The following ARB2A variants were observed in gnomAD, a reference collection of about 807,000 sequenced individuals.
ARB2A encodes the protein cotranscriptional regulator ARB2A.
chr5:94,028,158 T>C, the ARB2A span, among the ~76,000 whole-genome samples: 1 of 152,232 alleles, frequency 6.6e-6, no homozygotes, highest in African/African-American at 2.4e-5. Context: ...TTGTCCCAGA[T>C]AGACATTATC....
chr5:93,639,187 G>A, the ARB2A span, among the ~76,000 whole-genome samples: 1 of 152,122 alleles, frequency 6.6e-6, no homozygotes, highest in South Asian at 2.1e-4. Context: ...AAAAGACCTA[G>A]CTGTGTCAGG....
chr5:94,009,661 C>A, the ARB2A span, among the ~76,000 whole-genome samples: 2 of 151,978 alleles, frequency 1.3e-5, no homozygotes, highest in African/African-American at 2.4e-5. Flanking sequence ...ACCACTAAAG[C>A]CATTTGGGCC....
chr5:94,090,862 C>T, the ARB2A span, among the ~76,000 whole-genome samples: 1 of 152,118 alleles, frequency 6.6e-6, no homozygotes, highest in African/African-American at 2.4e-5. Context: ...CCTTGCATCC[C>T]ATATCATCAC....
chr5:93,726,002 G>T, the ARB2A span, among the ~76,000 whole-genome samples: 1 of 152,014 alleles, frequency 6.6e-6, no homozygotes, highest in Non-Finnish European at 1.5e-5. Context: ...TGTGGTAATT[G>T]GTTGATACAG....
chr5:93,683,561 G>T, the ARB2A span: 2 of 1,447,820 alleles, frequency 1.4e-6, no homozygotes, highest in Non-Finnish European at 9.6e-7. Flanking sequence ...TTCATCCTTT[G>T]CACCAGCCCT....
chr5:93,620,771 T>C, the ARB2A span: 1 of 499,520 alleles, frequency 2.0e-6, no homozygotes, highest in Non-Finnish European at 3.2e-6. Flanking sequence ...CAGCCCGCGC[T>C]CAGCCCGCAG....
the ARB2A span, among the ~76,000 whole-genome samples, chr5:94,105,527 A>G: frequency 6.6e-6 from 1 of 152,166 alleles, no homozygotes; most frequent in Non-Finnish European, 1.5e-5. Context: ...GGATAGGAAG[A>G]ATCAATATTA....
chr5:93,730,004 A>T, the ARB2A span, among the ~76,000 whole-genome samples: 1 of 152,166 alleles, frequency 6.6e-6, no homozygotes, highest in African/African-American at 2.4e-5. Flanking sequence ...CTGTTTCTTA[A>T]ATGTTCACAT....
At chr5:93,929,099 T>G in the ARB2A span, among the ~76,000 whole-genome samples, 14 of 152,246 alleles carry the variant, frequency 9.2e-5, no homozygotes, top group Non-Finnish European at 7.4e-5. Flanking sequence ...TTTTCCACCA[T>G]TAGATACATA....
chr5:93,892,625 A>G, the ARB2A span, among the ~76,000 whole-genome samples: 1 of 152,104 alleles, frequency 6.6e-6, no homozygotes, highest in Non-Finnish European at 1.5e-5. Flanking sequence ...CAGCTAGTCT[A>G]TTTAAAATAT....
the ARB2A span, among the ~76,000 whole-genome samples, chr5:93,940,690 T>C: frequency 2.6e-5 from 4 of 152,098 alleles, no homozygotes; most frequent in Non-Finnish European, 4.4e-5. Flanking sequence ...ATGTATGACA[T>C]TATTTTCTTT....
At chr5:93,781,691 T>C in the ARB2A span, among the ~76,000 whole-genome samples, 2 of 96,046 alleles carry the variant, frequency 2.1e-5, no homozygotes, top group African/African-American at 7.8e-5. Context: ...CCAACATCTG[T>C]TTTTTTTTTT....
the ARB2A span, among the ~76,000 whole-genome samples, chr5:93,765,549 T>C: frequency 6.6e-6 from 1 of 151,994 alleles, no homozygotes; most frequent in Non-Finnish European, 1.5e-5. Context: ...TGAAAGAGGA[T>C]ACAAACAAAT....
At chr5:93,727,853 A>T in the ARB2A span, among the ~76,000 whole-genome samples, 3 of 152,232 alleles carry the variant, frequency 2.0e-5, no homozygotes, top group South Asian at 6.2e-4. Context: ...TTAAAAACAA[A>T]GTATGGTGTC....
At chr5:93,709,034 C>A in the ARB2A span, among the ~76,000 whole-genome samples, 1 of 151,432 alleles carries the variant, frequency 6.6e-6, no homozygotes, top group African/African-American at 2.4e-5. Context: ...CACCCACCCC[C>A]ACCCCACCAC....
the ARB2A span, among the ~76,000 whole-genome samples, chr5:93,703,531 T>C: frequency 5.3e-5 from 8 of 152,336 alleles, no homozygotes; most frequent in East Asian, 1.5e-3. Flanking sequence ...TTCTCTTTCT[T>C]AGTGCACTGA....
the ARB2A span, among the ~76,000 whole-genome samples, chr5:93,935,967 T>C: frequency 6.6e-6 from 1 of 152,192 alleles, no homozygotes; most frequent in Non-Finnish European, 1.5e-5. Flanking sequence ...TTCATTTGAA[T>C]AGAATTCCAT....
At chr5:93,823,455 A>G in the ARB2A span, among the ~76,000 whole-genome samples, 1 of 152,186 alleles carries the variant, frequency 6.6e-6, no homozygotes. Flanking sequence ...AATTATATAA[A>G]ATTCTGATCA....
chr5:94,063,485 A>G, the ARB2A span, among the ~76,000 whole-genome samples: 2 of 152,172 alleles, frequency 1.3e-5, no homozygotes, highest in East Asian at 3.8e-4. Flanking sequence ...CAGAGACCCA[A>G]GAACCCATCC....
Sources: allele counts gnomAD v4.1 joint callset (sites outside exome capture counted in the v4.1 genomes callset), GRCh38; gene constraint gnomAD v4.1.1; transcripts MANE v1.5; gene names NCBI Gene and HGNC (gene_info 2026-07-23, HGNC 2026-07-21).